SHC3: variants seen among roughly 807,000 people sequenced by gnomAD.
SHC3 encodes the protein SHC adaptor protein 3.
A neutral mutation model predicts 60.4 loss-of-function variants in SHC3; 15 were observed. The observed-to-expected ratio is 0.25, with a 90% CI of 0.17 to 0.38. The LOEUF (loss-of-function observed/expected upper bound fraction) is 0.38. Ranked by LOEUF, SHC3 falls within the 10% of genes least tolerant of loss-of-function variation. The pLI, the probability that SHC3 is intolerant of heterozygous loss-of-function variation, is 1.00. For synonymous variants in SHC3, 294 were observed against 325.9 expected (o/e 0.90, Z 1.05); for missense variants, 677 against 786.1 (o/e 0.86, Z 1.66).
intron 6 of SHC3, among the ~76,000 whole-genome samples, chr9:89,061,465 T>A (rs11789781): frequency 6.6e-6 from 1 of 152,152 alleles, no homozygotes; most frequent in Non-Finnish European, 1.5e-5. Flanking sequence ...GTCTTCCCCA[T>A]GTGGGCTTCC....
intron 4 of SHC3, among the ~76,000 whole-genome samples, chr9:89,074,366 C>G (rs1387581773): frequency 2.0e-5 from 3 of 152,096 alleles, no homozygotes; most frequent in African/African-American, 7.2e-5. Flanking sequence ...ACTCCACACC[C>G]CCCTGGATAC....
intron 8 of SHC3, 65 bp from the exon 9 acceptor site, chr9:89,045,898 A>T: frequency 6.5e-7 from 1 of 1,536,888 alleles, no homozygotes; most frequent in Non-Finnish European, 9.0e-7. Flanking sequence ...CACTTTTGAA[A>T]GCCACAAGAC....
At chr9:89,014,897 C>A (rs990306792) in intron 11 of SHC3, among the ~76,000 whole-genome samples, 21 of 152,248 alleles carry the variant, frequency 1.4e-4, no homozygotes, top group African/African-American at 4.6e-4. Context: ...ATGGCTCTAC[C>A]AATTAGCACC....
chr9:89,030,076 T>C lies in SHC3; in HGVS notation c.1656+7917A>G, dbSNP rs115611875. Among the ~76,000 whole-genome samples, 608 of 152,166 alleles carry C rather than the reference T, an allele frequency of 4.0e-3. 4 individuals carry two copies. Among genetic ancestry groups the C allele is most frequent in the African/African-American group, 0.014 (573 of 41,542 alleles). On this transcript the variant is annotated intron_variant, in intron 11 of 11. Coordinates refer to ENST00000375835, the MANE Select transcript of SHC3 (RefSeq NM_016848.6). The stretch of plus-strand genomic sequence containing the variant: ...CATGAGAAAGCTGGAGTACATATAC[T>C]AATACCAGATAAAATAGATTTTAAA...
At chr9:89,103,225 G>GGA (rs904808336) in intron 2 of SHC3, among the ~76,000 whole-genome samples, 4 of 146,972 alleles carry the variant, frequency 2.7e-5, no homozygotes, top group African/African-American at 2.6e-5. Context: ...GGAAACTGAA[G>GGA]GAGAGAGAGA....
chr9:89,071,276 G>A (rs765312278), intron 4 of SHC3, 24 bp from the exon 5 acceptor site: 34 of 1,613,556 alleles, frequency 2.1e-5, no homozygotes, highest in Admixed American at 5.0e-5. Context: ...AACAAGAAAC[G>A]AGATGTGCTG....
At chr9:89,024,346 T>C (rs1826252793) in intron 11 of SHC3, among the ~76,000 whole-genome samples, 1 of 152,178 alleles carries the variant, frequency 6.6e-6, no homozygotes, top group African/African-American at 2.4e-5. Context: ...GGTACGATCA[T>C]AGTTCACTAC....
At chr9:89,108,189 A>G (rs1825892202) in intron 2 of SHC3, among the ~76,000 whole-genome samples, 1 of 152,170 alleles carries the variant, frequency 6.6e-6, no homozygotes, top group Non-Finnish European at 1.5e-5. Context: ...TGTTCACACA[A>G]TGACAAAATT....
chr9:89,058,442 G>A (rs915031880), intron 6 of SHC3, among the ~76,000 whole-genome samples: 1 of 150,964 alleles, frequency 6.6e-6, no homozygotes, highest in Non-Finnish European at 1.5e-5. Context: ...GGATGGTGGT[G>A]GAGGATGATG....
At chr9:89,160,474 C>T (rs752750126) in intron 1 of SHC3, among the ~76,000 whole-genome samples, 10 of 152,284 alleles carry the variant, frequency 6.6e-5, no homozygotes, top group Non-Finnish European at 1.3e-4. Flanking sequence ...AATCACCCTG[C>T]GCCTCTTTAA....
chr9:89,045,377 ATCAAG>A (rs1824755221), intron 9 of SHC3, among the ~76,000 whole-genome samples: 3 of 146,208 alleles, frequency 2.1e-5, no homozygotes, highest in Non-Finnish European at 4.5e-5. Flanking sequence ...ACCTCCTGGG[ATCAAG>A]TGATTCTCCT....
chr9:89,147,311 T>C (rs998763121), intron 1 of SHC3, among the ~76,000 whole-genome samples: 1 of 152,174 alleles, frequency 6.6e-6, no homozygotes, highest in African/African-American at 2.4e-5. Flanking sequence ...TCACTGATAA[T>C]TCACTTTGCT....
intron 1 of SHC3, among the ~76,000 whole-genome samples, chr9:89,118,801 G>A (rs568068217): frequency 6.6e-5 from 10 of 152,242 alleles, no homozygotes; most frequent in African/African-American, 1.4e-4. Context: ...AGGGCAAAGC[G>A]AGGACTCAGA....
intron 2 of SHC3, among the ~76,000 whole-genome samples, chr9:89,105,836 G>A (rs533901486): frequency 6.6e-6 from 1 of 152,112 alleles, no homozygotes; most frequent in Admixed American, 6.5e-5. Context: ...TCAGTTTGTT[G>A]CATCAAACCA....
intron 1 of SHC3, among the ~76,000 whole-genome samples, chr9:89,176,239 A>G (rs1826940784): frequency 6.6e-6 from 1 of 152,242 alleles, no homozygotes; most frequent in African/African-American, 2.4e-5. Flanking sequence ...TGATGCTGCC[A>G]GTAAGTCACA....
intron 11 of SHC3, among the ~76,000 whole-genome samples, chr9:89,014,568 C>A (rs1156409367): frequency 6.6e-6 from 1 of 152,178 alleles, no homozygotes. Flanking sequence ...GGTCTCCTCT[C>A]CATCAGTGTG....
intron 4 of SHC3, among the ~76,000 whole-genome samples, chr9:89,071,600 G>A (rs11137504): frequency 0.6 from 90,724 of 151,588 alleles, 29,274 homozygotes; most frequent in East Asian, 0.97. Context: ...CTAACACGGG[G>A]GCGTATAGAG....
intron 4 of SHC3, among the ~76,000 whole-genome samples, chr9:89,073,069 C>T (rs1345908100): frequency 6.6e-6 from 1 of 152,056 alleles, no homozygotes; most frequent in Non-Finnish European, 1.5e-5. Context: ...GGAATCTTCC[C>T]TCTGGCGCAA....
intron 2 of SHC3, among the ~76,000 whole-genome samples, chr9:89,078,612 G>T (rs1299710610): frequency 6.6e-6 from 1 of 152,158 alleles, no homozygotes; most frequent in Non-Finnish European, 1.5e-5. Context: ...TCTGCATGGG[G>T]CAGGAGGACC....
Sources: gnomAD v4.1 joint callset for allele counts (sites outside exome capture counted in the v4.1 genomes callset) on GRCh38, gnomAD v4.1.1 for gene constraint, MANE v1.5 for transcripts, NCBI Gene and HGNC (gene_info 2026-07-23, HGNC 2026-07-21) for gene names.